Variants in MALRD1 observed in about 807,000 individuals in gnomAD.
The protein encoded by MALRD1 is MAM and LDL receptor class A domain containing 1.
In MALRD1, 247 loss-of-function variants were observed where a neutral mutation model predicts 242.1. That is an observed-to-expected ratio of 1.02 (90% CI 0.92 to 1.13). The LOEUF (loss-of-function observed/expected upper bound fraction) is 1.13, where lower values mean the gene tolerates loss of function less well. MALRD1 is among the 50% of genes most tolerant of loss of function. The probability of loss-of-function intolerance (pLI) is 0.00; values close to 1 mark genes in which losing one functional copy is unlikely to be tolerated. For missense variants in MALRD1, 2,989 were observed against 2,533.1 expected (o/e 1.18, Z -3.86); for synonymous variants, 995 against 866.6 (o/e 1.15, Z -2.60).
intron 18 of MALRD1, among the ~76,000 whole-genome samples, chr10:19,233,228 G>A (rs1033719815): frequency 1.3e-4 from 20 of 152,072 alleles, no homozygotes; most frequent in Admixed American, 2.6e-4. Flanking sequence ...TTGGCTGGGC[G>A]CGGTGGCTCA....
intron 36 of MALRD1, among the ~76,000 whole-genome samples, chr10:19,677,641 T>G (rs1050859436): frequency 6.6e-6 from 1 of 152,196 alleles, no homozygotes; most frequent in African/African-American, 2.4e-5. Flanking sequence ...GATGATACTT[T>G]CTTTTGCTGT....
At chr10:19,150,736 C>G (rs1833919176) in intron 11 of MALRD1, among the ~76,000 whole-genome samples, 1 of 152,034 alleles carries the variant, frequency 6.6e-6, no homozygotes, top group Non-Finnish European at 1.5e-5. Context: ...TAATATTTTT[C>G]TTTTGCTCGT....
At chr10:19,518,217 G>C (rs1190920227) in intron 31 of MALRD1, among the ~76,000 whole-genome samples, 1 of 152,126 alleles carries the variant, frequency 6.6e-6, no homozygotes, top group East Asian at 1.9e-4. Flanking sequence ...TACTAAGTTA[G>C]GTTGTAGTTT....
At chr10:19,567,150 G>T (rs1202592876) in intron 32 of MALRD1, among the ~76,000 whole-genome samples, 1 of 152,016 alleles carries the variant, frequency 6.6e-6, no homozygotes, top group Non-Finnish European at 1.5e-5. Context: ...CTCTTTTTCT[G>T]CAGTCACACA....
chr10:19,568,870 G>A (rs1325136284), intron 33 of MALRD1, among the ~76,000 whole-genome samples: 1 of 151,932 alleles, frequency 6.6e-6, no homozygotes, highest in South Asian at 2.1e-4. Context: ...TGAATAGTAT[G>A]TGCCAGGCGA....
intron 18 of MALRD1, among the ~76,000 whole-genome samples, chr10:19,216,192 A>T (rs1837309478): frequency 1.4e-5 from 2 of 141,458 alleles, no homozygotes; most frequent in Admixed American, 1.5e-4. Flanking sequence ...ATCTCAGCTC[A>T]CTGCAACCTC....
chr10:19,355,819 G>T (rs1275099419), intron 26 of MALRD1, among the ~76,000 whole-genome samples: 12 of 105,420 alleles, frequency 1.1e-4, no homozygotes, highest in East Asian at 9.5e-4. Context: ...GCAGGAGTCT[G>T]ATATTTTTAG....
At chr10:19,451,254 A>T (rs1261714059) in intron 29 of MALRD1, among the ~76,000 whole-genome samples, 29 of 152,222 alleles carry the variant, frequency 1.9e-4, no homozygotes, top group Admixed American at 1.9e-3. Flanking sequence ...GTGCATCTAT[A>T]AGAAATAAAT....
chr10:19,230,502 A>T (rs2131693757), intron 18 of MALRD1, among the ~76,000 whole-genome samples: 1 of 152,250 alleles, frequency 6.6e-6, no homozygotes, highest in South Asian at 2.1e-4. Flanking sequence ...TCTTTTAAAC[A>T]ACCAGATATC....
At chr10:19,346,721 G>A (rs1260252274) in intron 24 of MALRD1, among the ~76,000 whole-genome samples, 5 of 151,974 alleles carry the variant, frequency 3.3e-5, no homozygotes, top group Non-Finnish European at 5.9e-5. Flanking sequence ...GCACAGTCTC[G>A]CTCACTGCAC....
intron 29 of MALRD1, among the ~76,000 whole-genome samples, chr10:19,466,622 T>A (rs1317189116): frequency 1.3e-5 from 2 of 152,186 alleles, no homozygotes; most frequent in Non-Finnish European, 1.5e-5. Context: ...TCTACTTGTG[T>A]TATTACAAGT....
chr10:19,307,886 C>T (rs1842281441), intron 21 of MALRD1, among the ~76,000 whole-genome samples: 1 of 151,250 alleles, frequency 6.6e-6, no homozygotes, highest in African/African-American at 2.4e-5. Flanking sequence ...ATGCTTTTAT[C>T]TTTTTTAAAA....
chr10:19,304,792 G>A (rs1428935857), intron 21 of MALRD1, among the ~76,000 whole-genome samples: 1 of 151,696 alleles, frequency 6.6e-6, no homozygotes, highest in Admixed American at 6.6e-5. Context: ...ATTTCTTGAA[G>A]CTTCATATTT....
At chr10:19,732,938 T>G (rs936470819) in intron 39 of MALRD1, among the ~76,000 whole-genome samples, 1 of 152,238 alleles carries the variant, frequency 6.6e-6, no homozygotes, top group Non-Finnish European at 1.5e-5. Flanking sequence ...AATTCCTTTT[T>G]CATTTTCTGT....
chr10:19,495,424 T>C (rs981082726), intron 30 of MALRD1, among the ~76,000 whole-genome samples: 1 of 149,996 alleles, frequency 6.7e-6, no homozygotes, highest in Non-Finnish European at 1.5e-5. Context: ...GCCAGAAAAA[T>C]TGGGGGCCTA....
chr10:19,460,404 A>G (rs186165144), intron 29 of MALRD1, among the ~76,000 whole-genome samples: 12 of 152,236 alleles, frequency 7.9e-5, no homozygotes, highest in Non-Finnish European at 1.5e-4. Flanking sequence ...TTTCTTGTCT[A>G]TTCCACTTAA....
At chr10:19,234,562 G>A (rs1374555867) in intron 18 of MALRD1, among the ~76,000 whole-genome samples, 1 of 151,854 alleles carries the variant, frequency 6.6e-6, no homozygotes, top group Non-Finnish European at 1.5e-5. Context: ...TGAAACTTAA[G>A]CAGCAAAAGT....
At chr10:19,614,337 A>G (rs1299184203) in intron 35 of MALRD1, among the ~76,000 whole-genome samples, 1 of 152,042 alleles carries the variant, frequency 6.6e-6, no homozygotes, top group Non-Finnish European at 1.5e-5. Flanking sequence ...TCCAGTGCCC[A>G]GCCCAGTGGC....
rs182684861 is a variant in MALRD1, at chr10:19,204,279, G to T, written c.2105-29G>T. 11 of 1,130,830 alleles carry T rather than the reference G, an allele frequency of 9.7e-6. No individual in the cohort carries two copies. The Admixed American group carries it at 1.7e-4, about 17-fold the overall frequency. The allele number at this position is 1,130,830 out of a possible 1,614,324, so 70.0% of individuals were successfully genotyped here. On this transcript the variant is annotated intron_variant, in intron 15 of 39. Coordinates refer to ENST00000454679, the MANE Select transcript of MALRD1 (RefSeq NM_001142308.3). ...TTTTAGAATCCAATAGGTTAATGAAGCGTTTTTTTTTTTTTTTTATCTCAA... is the reference window on the plus strand; with the variant it reads ...TTTTAGAATCCAATAGGTTAATGAATCGTTTTTTTTTTTTTTTTATCTCAA...
Sources: allele counts gnomAD v4.1 joint callset (sites outside exome capture counted in the v4.1 genomes callset), GRCh38; gene constraint gnomAD v4.1.1; transcripts MANE v1.5; gene names NCBI Gene and HGNC (gene_info 2026-07-23, HGNC 2026-07-21).